The following GTSE1 variants were observed in gnomAD, a reference collection of about 807,000 sequenced individuals.
GTSE1 encodes the protein G2 and S-phase expressed 1.
Under a neutral mutation model 60.5 loss-of-function variants are expected in GTSE1, and 52 were observed. That is an observed-to-expected ratio of 0.86 (90% confidence interval 0.69 to 1.08). The LOEUF (loss-of-function observed/expected upper bound fraction) is 1.08, where lower values mean the gene tolerates loss of function less well. Ranked by LOEUF, GTSE1 falls within the 50% of genes least tolerant of loss-of-function variation. The pLI, the probability that GTSE1 is intolerant of heterozygous loss-of-function variation, is 0.00. For synonymous variants in GTSE1, 368 were observed against 386.5 expected, an observed-to-expected ratio of 0.95 and a Z score of 0.56; for missense variants, 937 against 961.8, an observed-to-expected ratio of 0.97 and a Z score of 0.34.
chr22:46,314,824 C>T lies in GTSE1; in HGVS notation c.1051+811C>T, dbSNP rs1469348390. Among the ~76,000 whole-genome samples, 8 of 145,442 alleles carry T rather than the reference C, an allele frequency of 5.5e-5. No individual in the cohort carries two copies. Among genetic ancestry groups the T allele is most frequent in the African/African-American group, 2.1e-4 (8 of 38,542 alleles). ...GCGGGAGGCAGAGGTTACCATGAGC[C>T]GAGATTGCATCACTGCACTCCGTCT... is the stretch of plus-strand genomic sequence containing the variant. On this transcript the variant is annotated intron_variant, in intron 6 of 11. Transcript: ENST00000454366. The surrounding 1 kb of genome is among the most constrained non-coding windows in gnomAD (Gnocchi z 7.1).
chr22:46,299,388 C>T (rs752976686), intron 2 of GTSE1, among the ~76,000 whole-genome samples: 4 of 152,266 alleles, frequency 2.6e-5, no homozygotes, highest in Non-Finnish European at 4.4e-5. Context: ...TGTATATTCA[C>T]CTGCCTATTT....
intron 2 of GTSE1, among the ~76,000 whole-genome samples, chr22:46,299,786 T>A (rs567828296): frequency 4.1e-4 from 62 of 152,044 alleles, no homozygotes; most frequent in African/African-American, 1.5e-3. Flanking sequence ...TCTTTTCTTT[T>A]CTTTTTTCTT....
chr22:46,328,894 G>A lies in GTSE1; in HGVS notation c.1926+5G>A, dbSNP rs1291823398. On this transcript the variant is annotated splice_donor_5th_base_variant and intron_variant, in intron 10 of 11. Coordinates refer to ENST00000454366, the MANE Select transcript of GTSE1 (RefSeq NM_016426.7). ...GGAGATGCAGCCCCTAGTGAGGTGGGCAGAACGGGCGCAGCTGGGTTCTGT... is the reference window on the plus strand; with the variant it reads ...GGAGATGCAGCCCCTAGTGAGGTGGACAGAACGGGCGCAGCTGGGTTCTGT... 1 of 1,608,308 alleles carries A rather than the reference G, an allele frequency of 6.2e-7. No homozygotes were observed. Among genetic ancestry groups the A allele is most frequent in the South Asian group, 1.1e-5 (1 of 91,016 alleles).
chr22:46,328,757 T>G lies in GTSE1; in HGVS notation c.1794T>G (p.Gly598=), dbSNP rs1460634617. 1 of 1,613,646 alleles carries G rather than the reference T, an allele frequency of 6.2e-7. No individual in the cohort carries two copies. Among genetic ancestry groups the G allele is most frequent in the East Asian group, 2.2e-5 (1 of 44,880 alleles). ...SRLVDVSPDR[G]SPPSRVPQAL... Reference sequence around the variant, plus strand: ...TGGTGGATGTGTCCCCTGACAGGGGTTCTCCTCCTTCCCGTGTGCCTCAGG... The same window carrying G: ...TGGTGGATGTGTCCCCTGACAGGGGGTCTCCTCCTTCCCGTGTGCCTCAGG... Residue 598 remains glycine (G), a synonymous_variant, in exon 10 of 12, where the codon GGT becomes GGG. Transcript: ENST00000454366.
Position 46,326,620 on chromosome 22 carries a change from C to T in GTSE1, c.1690C>T (p.Arg564Cys), listed in dbSNP as rs200994104. 4.9e-5 allele frequency: 79 copies of T among 1,612,858 alleles called. No homozygotes were observed. Among genetic ancestry groups the T allele is most frequent in the African/African-American group, 3.5e-4 (26 of 75,056 alleles). Residue 564 changes from arginine to cysteine, a missense_variant, in exon 9 of 12, where the codon CGT becomes TGT. Transcript: ENST00000454366. ...TCCCCTGTGTGTGCCAGCTCGGAGA[C>T]GTTCCTCTGAGCCCCGCAAGAACTC... is the stretch of plus-strand genomic sequence containing the variant. ...GSPLCVPARR[R>C]SSEPRKNSAM...
Position 46,329,596 on chromosome 22 carries a change from C to T in GTSE1, c.2136+29C>T. 1.9e-6 allele frequency: 3 copies of T among 1,569,902 alleles called. No homozygotes were observed. Among genetic ancestry groups the T allele is most frequent in the Non-Finnish European group, 1.8e-6 (2 of 1,140,182 alleles). On this transcript the variant is annotated intron_variant, in intron 11 of 11. Coordinates refer to ENST00000454366, the MANE Select transcript of GTSE1 (RefSeq NM_016426.7). This position sits in a 1 kb window ranked among gnomAD's most constrained non-coding sequence, Gnocchi z 6.4. ...AGAAGTGGCAGGTGGTTCATGTTGA[C>T]TCAGCCCTGGGTGTCCTCAGTTCTG...
chr22:46,298,264 C>T (rs937220330), intron 2 of GTSE1, among the ~76,000 whole-genome samples: 2 of 151,802 alleles, frequency 1.3e-5, no homozygotes, highest in African/African-American at 4.8e-5. Context: ...CACCCAGCCT[C>T]ACAAAGCATT....
chr22:46,308,574 C>A lies in GTSE1; in HGVS notation c.393C>A (p.Ser131Arg). 6.2e-7 allele frequency: 1 copy of A among 1,614,126 alleles called. No individual in the cohort carries two copies. Among genetic ancestry groups the A allele is most frequent in the South Asian group, 1.1e-5 (1 of 91,082 alleles). Residue 131 changes from serine to arginine, a missense_variant, in exon 4 of 12, where the codon AGC becomes AGA. Transcript: ENST00000454366. ...AQAAKPEDPR[S>R]QGVERFIQES... is the part of the protein sequence containing the mutation. ...CTGCCAAGCCTGAAGACCCTCGGAGCCAGGGCGTGGAAAGATTCATACAGG... is the reference window on the plus strand; with the variant it reads ...CTGCCAAGCCTGAAGACCCTCGGAGACAGGGCGTGGAAAGATTCATACAGG...
At chr22:46,299,717 C>T (rs1008100040) in intron 2 of GTSE1, among the ~76,000 whole-genome samples, 14 of 152,166 alleles carry the variant, frequency 9.2e-5, no homozygotes, top group Non-Finnish European at 1.3e-4. Context: ...TGCTTCCTTT[C>T]GGATACACTT....
intron 7 of GTSE1, among the ~76,000 whole-genome samples, 174 bp from the exon 8 acceptor site, chr22:46,323,014 CAT>C (rs1247092997): frequency 1.3e-5 from 2 of 152,240 alleles, no homozygotes; most frequent in Non-Finnish European, 2.9e-5. Flanking sequence ...GAATGCCTCT[CAT>C]GTGGCTGCCT....
rs1032043449 is a variant in GTSE1 at position 46,322,390 on chromosome 22, C to G, written c.1433-800C>G. Among the ~76,000 whole-genome samples, 11 of 152,176 alleles carry G rather than the reference C, an allele frequency of 7.2e-5. 1 individual carries two copies. The highest frequency in any genetic ancestry group is 2.7e-4 in the African/African-American group (11 of 41,442). ...GGGGTAAGGGGCTCTGAGGGACAGC[C>G]TCTTTTCCCATGGCTTCCCAGACAT... is the stretch of plus-strand genomic sequence containing the variant. On this transcript the variant is annotated intron_variant, in intron 7 of 11. Transcript: ENST00000454366.
At position 46,330,185 on chromosome 22, in the gene GTSE1, C is replaced by A; in HGVS notation, c.*55C>A. 9.5e-7 allele frequency: 1 copy of A among 1,049,146 alleles called. No homozygotes were observed. The allele number at this position is 1,049,146 out of a possible 1,614,324, so 65.0% of individuals were successfully genotyped here. A position where few individuals can be genotyped will look rare whatever the true frequency, so the allele number is the denominator to read the frequency against. On this transcript the variant is annotated 3_prime_UTR_variant, in exon 12 of 12. Transcript: ENST00000454366. This position sits in a 1 kb window ranked among gnomAD's most constrained non-coding sequence, Gnocchi z 6.0. Reference sequence around the variant, plus strand: ...CAGCCCTAAAGTGGTTTTCAACCCTCAGAAACAAGCTTTAGGCTGGTCGCA... The same window carrying A: ...CAGCCCTAAAGTGGTTTTCAACCCTAAGAAACAAGCTTTAGGCTGGTCGCA...
At position 46,319,540 on chromosome 22, in the gene GTSE1, G is replaced by A. The variant is rs959477245; in HGVS notation, c.1432+3128G>A. On this transcript the variant is annotated intron_variant, in intron 7 of 11. Coordinates refer to ENST00000454366, the MANE Select transcript of GTSE1 (RefSeq NM_016426.7). The surrounding 1 kb of genome is among the most constrained non-coding windows in gnomAD (Gnocchi z 5.0). ...TGACAGGAGGGCTGGAAGAGGCAGCGGGCAGAGTCCACGGCCCCATTTTGG... is the reference window on the plus strand; with the variant it reads ...TGACAGGAGGGCTGGAAGAGGCAGCAGGCAGAGTCCACGGCCCCATTTTGG... Among the ~76,000 whole-genome samples the A allele has an allele frequency of 3.9e-5, 6 of 152,124 alleles. No individual in the cohort carries two copies. The highest frequency in any genetic ancestry group is 6.6e-5 in the Admixed American group (1 of 15,260).
chr22:46,313,957 C>T lies in GTSE1; in HGVS notation c.995C>T (p.Ser332Leu), dbSNP rs765217704. The T allele has an allele frequency of 1.1e-5, 17 of 1,614,104 alleles. No homozygotes were observed. The highest frequency in any genetic ancestry group is 2.2e-5 in the East Asian group (1 of 44,902). The stretch of plus-strand genomic sequence containing the variant: ...AGCAATCTCGCAAGGAAGTCCTCCT[C>T]GGGGCCTGTTTGGAGCGGGGCATCC... ...STSNLARKSS[S>L]GPVWSGASSA... Residue 332 changes from serine (S) to leucine (L), a missense_variant, in exon 6 of 12, where the codon TCG becomes TTG. Transcript: ENST00000454366. The surrounding 1 kb of genome is among the most constrained non-coding windows in gnomAD (Gnocchi z 4.4).
Position 46,320,842 on chromosome 22 carries a change from T to A in GTSE1, c.1433-2348T>A, listed in dbSNP as rs2077808080. 6.6e-6 allele frequency among the ~76,000 whole-genome samples: 1 copy of A among 152,062 alleles called. No individual in the cohort carries two copies. Reference sequence around the variant, plus strand: ...ATGTGGGCCTGGGAGGCGTGCGTGCTCAGGCAGCCCTAGGGCAGTCGTGAG... The same window carrying A: ...ATGTGGGCCTGGGAGGCGTGCGTGCACAGGCAGCCCTAGGGCAGTCGTGAG... On this transcript the variant is annotated intron_variant, in intron 7 of 11. Transcript: ENST00000454366. The surrounding 1 kb of genome is among the most constrained non-coding windows in gnomAD (Gnocchi z 7.1).
At chr22:46,328,103 CG>C (rs1440232951) in intron 9 of GTSE1, among the ~76,000 whole-genome samples, 3 of 152,176 alleles carry the variant, frequency 2.0e-5, no homozygotes, top group African/African-American at 7.2e-5. Flanking sequence ...GCTGGGTTTC[CG>C]GAAGGAATTC....
At position 46,314,055 on chromosome 22, in the gene GTSE1, G is replaced by A. The variant is rs541383977; in HGVS notation, c.1051+42G>A. Reference sequence around the variant, plus strand: ...CATGCTTGGACCCACATCTGGCCAGGTGAGGCCTGGAGTGCTGCTCAGGCC... The same window carrying A: ...CATGCTTGGACCCACATCTGGCCAGATGAGGCCTGGAGTGCTGCTCAGGCC... On this transcript the variant is annotated intron_variant, in intron 6 of 11. Transcript: ENST00000454366. The surrounding 1 kb of genome is among the most constrained non-coding windows in gnomAD (Gnocchi z 7.1). 15 of 1,610,934 alleles carry A rather than the reference G, an allele frequency of 9.3e-6. No homozygotes were observed. The South Asian group carries it at 9.9e-5, about 11-fold the overall frequency.
chr22:46,303,789 G>A (rs945996229), intron 2 of GTSE1, among the ~76,000 whole-genome samples: 4 of 152,144 alleles, frequency 2.6e-5, no homozygotes, highest in Admixed American at 2.0e-4. Flanking sequence ...GACTCACTTG[G>A]CCAGTGAAAT....
At position 46,316,268 on chromosome 22, in the gene GTSE1, T is replaced by C. The variant is rs1196932907; in HGVS notation, c.1288T>C (p.Trp430Arg). 1.9e-6 allele frequency: 3 copies of C among 1,613,920 alleles called. No homozygotes were observed. The South Asian group carries it at 3.3e-5, about 18-fold the overall frequency. The change falls in exon 7 of 12, where the codon TGG becomes CGG. Residue 430 changes from tryptophan (W) to arginine (R), a missense_variant. Transcript: ENST00000454366. The surrounding 1 kb of genome is among the most constrained non-coding windows in gnomAD (Gnocchi z 5.0). ...QPQTPEGGGQWLNSSCAWSES... is the reference protein window; with the variant it reads ...QPQTPEGGGQRLNSSCAWSES... Reference sequence around the variant, plus strand: ...CCAGACTCCGGAAGGTGGCGGCCAGTGGCTGAACTCCAGTTGCGCTTGGTC... The same window carrying C: ...CCAGACTCCGGAAGGTGGCGGCCAGCGGCTGAACTCCAGTTGCGCTTGGTC...
Sources: allele counts gnomAD v4.1 joint callset (sites outside exome capture counted in the v4.1 genomes callset), GRCh38; gene constraint gnomAD v4.1.1; non-coding constraint Gnocchi (gnomAD v3.1); transcripts MANE v1.5; gene names NCBI Gene and HGNC (gene_info 2026-07-23, HGNC 2026-07-21).